VPS35L: variants seen among roughly 807,000 people sequenced by gnomAD.
The protein encoded by VPS35L is VPS35 endosomal protein-sorting factor-like.
A neutral mutation model predicts 133.0 loss-of-function variants in VPS35L; 83 were observed. The observed-to-expected ratio is 0.62, with a 90% CI of 0.52 to 0.75. The LOEUF (loss-of-function observed/expected upper bound fraction) is 0.75. VPS35L is among the 30% of genes least tolerant of loss of function. The probability of loss-of-function intolerance (pLI) is 0.00; values close to 1 mark genes in which losing one functional copy is unlikely to be tolerated. For missense variants in VPS35L, 1,083 were observed against 1,206.8 expected, an observed-to-expected ratio of 0.90 and a Z score of 1.52; for synonymous variants, 423 against 449.9, an observed-to-expected ratio of 0.94 and a Z score of 0.76.
intron 3 of VPS35L, among the ~76,000 whole-genome samples, chr16:19,572,113 G>T (rs1033327768): frequency 6.6e-6 from 1 of 152,066 alleles, no homozygotes; most frequent in Non-Finnish European, 1.5e-5. Context: ...CTGCAGGATA[G>T]CTTCCTAGAA....
chr16:19,626,662 T>C (rs564768411), intron 15 of VPS35L, among the ~76,000 whole-genome samples: 1 of 152,168 alleles, frequency 6.6e-6, no homozygotes, highest in South Asian at 2.1e-4. Flanking sequence ...CTCAGGAGAC[T>C]GGGGCAGGAG....
chr16:19,581,310 G>A (rs1056959555), intron 6 of VPS35L, among the ~76,000 whole-genome samples: 3 of 152,010 alleles, frequency 2.0e-5, no homozygotes, highest in Non-Finnish European at 4.4e-5. Context: ...TGCTTCCAAG[G>A]CCAGACTTTC....
chr16:19,588,758 G>A (rs941774424), intron 7 of VPS35L, among the ~76,000 whole-genome samples: 29 of 152,120 alleles, frequency 1.9e-4, no homozygotes. Flanking sequence ...GTTTGGTCAC[G>A]TCTGCTGGTG....
At chr16:19,688,838 G>A (rs907706854) in intron 28 of VPS35L, among the ~76,000 whole-genome samples, 1 of 152,192 alleles carries the variant, frequency 6.6e-6, no homozygotes, top group African/African-American at 2.4e-5. Context: ...GGCTCTGTAG[G>A]CAGAGCTGGT....
intron 28 of VPS35L, among the ~76,000 whole-genome samples, chr16:19,688,824 AAC>A (rs1436680511): frequency 6.6e-6 from 1 of 152,210 alleles, no homozygotes; most frequent in Non-Finnish European, 1.5e-5. Flanking sequence ...GGAAGGAAAG[AAC>A]TGGCTCTGTA....
At chr16:19,685,741 G>A (rs1006570223) in intron 28 of VPS35L, among the ~76,000 whole-genome samples, 1 of 152,116 alleles carries the variant, frequency 6.6e-6, no homozygotes, top group East Asian at 1.9e-4. Flanking sequence ...GATGGCTGGC[G>A]AGGTTGAACA....
intron 26 of VPS35L, among the ~76,000 whole-genome samples, chr16:19,663,988 C>T (rs1229396403): frequency 2.0e-5 from 3 of 151,978 alleles, no homozygotes; most frequent in Non-Finnish European, 2.9e-5. Flanking sequence ...CCTGTCCTTG[C>T]GGAAGTTTCC....
chr16:19,656,724 C>G lies in VPS35L; in HGVS notation c.2221+4634C>G, dbSNP rs181263521. Reference sequence around the variant, plus strand: ...GTATTATCTTAGTATAAACATCTCTCAAATGATGAAAGTATGCCATGGGTT... The same window carrying G: ...GTATTATCTTAGTATAAACATCTCTGAAATGATGAAAGTATGCCATGGGTT... On this transcript the variant is annotated intron_variant, in intron 26 of 30. Coordinates refer to ENST00000417362, the MANE Select transcript of VPS35L (RefSeq NM_020314.7). Among the ~76,000 whole-genome samples, 5 of 152,086 alleles carry G rather than the reference C, an allele frequency of 3.3e-5. No homozygotes were observed. The East Asian group carries it at 9.7e-4, about 30-fold the overall frequency.
rs538426208 is a variant in VPS35L at position 19,639,512 on chromosome 16, A to G, written c.1699-503A>G. Reference sequence around the variant, plus strand: ...AATGCATATAAGTTGTTTTAATAGTAACAGCTTTTTATTTTGTTTGTTTGT... The same window carrying G: ...AATGCATATAAGTTGTTTTAATAGTGACAGCTTTTTATTTTGTTTGTTTGT... On this transcript the variant is annotated intron_variant, in intron 20 of 30. Transcript: ENST00000417362. This position sits in a 1 kb window ranked among gnomAD's most constrained non-coding sequence, Gnocchi z 4.1. Among the ~76,000 whole-genome samples, 5 of 152,212 alleles carry G rather than the reference A, an allele frequency of 3.3e-5. No individual in the cohort carries two copies. The highest frequency in any genetic ancestry group is 1.2e-4 in the African/African-American group (5 of 41,556).
chr16:19,564,788 C>G (rs1971135562), intron 1 of VPS35L, 63 bp from the exon 2 acceptor site: 6 of 1,098,334 alleles, frequency 5.5e-6, no homozygotes, highest in Non-Finnish European at 8.3e-6. Flanking sequence ...GAAGTCTCAT[C>G]AGAAGTTTTT....
At chr16:19,556,573 A>G (rs2151493830) in intron 1 of VPS35L, among the ~76,000 whole-genome samples, 2 of 152,172 alleles carry the variant, frequency 1.3e-5, no homozygotes, top group South Asian at 4.2e-4. Flanking sequence ...GGGACGGGGA[A>G]TCTCTCCTGC....
At chr16:19,596,000 C>T (rs567341081) in intron 8 of VPS35L, among the ~76,000 whole-genome samples, 1 of 152,092 alleles carries the variant, frequency 6.6e-6, no homozygotes, top group Admixed American at 6.6e-5. Flanking sequence ...AAAAATTAGC[C>T]GGGCATGGTG....
intron 8 of VPS35L, among the ~76,000 whole-genome samples, chr16:19,595,010 T>C (rs983482630): frequency 3.3e-5 from 5 of 151,760 alleles, no homozygotes; most frequent in African/African-American, 7.3e-5. Context: ...GGTGGGAGCA[T>C]TGGGAGCATG....
chr16:19,583,492 A>G (rs945862527), intron 7 of VPS35L, among the ~76,000 whole-genome samples: 1 of 152,174 alleles, frequency 6.6e-6, no homozygotes. Context: ...TAATTAGCAT[A>G]TTCATCACCT....
chr16:19,565,911 A>G (rs1020604005), intron 2 of VPS35L, among the ~76,000 whole-genome samples: 2 of 152,242 alleles, frequency 1.3e-5, no homozygotes, highest in Admixed American at 6.5e-5. Flanking sequence ...TATTTAAAAA[A>G]TAAAAACAAA....
intron 28 of VPS35L, among the ~76,000 whole-genome samples, chr16:19,690,246 C>T (rs1975620346): frequency 1.3e-5 from 2 of 152,130 alleles, no homozygotes; most frequent in Non-Finnish European, 2.9e-5. Context: ...AAGTGTAAAG[C>T]AGCACAGAGT....
At chr16:19,567,664 C>T (rs1334511069) in intron 2 of VPS35L, among the ~76,000 whole-genome samples, 1 of 152,034 alleles carries the variant, frequency 6.6e-6, no homozygotes, top group East Asian at 1.9e-4. Context: ...GGTTTGAGGG[C>T]AAGGTCCTCA....
At chr16:19,690,235 A>C (rs1374767007) in intron 28 of VPS35L, among the ~76,000 whole-genome samples, 1 of 152,198 alleles carries the variant, frequency 6.6e-6, no homozygotes, top group Non-Finnish European at 1.5e-5. Flanking sequence ...TTAAAAAAAC[A>C]AAGTGTAAAG....
chr16:19,681,500 G>A (rs771513282), intron 27 of VPS35L, among the ~76,000 whole-genome samples: 3 of 152,200 alleles, frequency 2.0e-5, no homozygotes, highest in Non-Finnish European at 2.9e-5. Flanking sequence ...GGGGCTGGCC[G>A]TGCAGAGCTT....
Sources: gnomAD v4.1 joint callset for allele counts (sites outside exome capture counted in the v4.1 genomes callset) on GRCh38, gnomAD v4.1.1 for gene constraint, Gnocchi (gnomAD v3.1) non-coding constraint, MANE v1.5 for transcripts, NCBI Gene and HGNC (gene_info 2026-07-23, HGNC 2026-07-21) for gene names.